Variants in TAFA1 observed in about 807,000 individuals in gnomAD.
TAFA1 encodes chemokine-like protein TAFA-1.
In TAFA1, 4 loss-of-function variants were observed where a neutral mutation model predicts 18.5. The observed-to-expected ratio is 0.22, with a 90% CI of 0.11 to 0.49. The LOEUF is 0.49. TAFA1 is among the 20% of genes least tolerant of loss of function. The pLI, the probability that TAFA1 is intolerant of heterozygous loss-of-function variation, is 0.98. For missense variants in TAFA1, 147 were observed against 169.0 expected, an observed-to-expected ratio of 0.87 and a Z score of 0.72; for synonymous variants, 56 against 55.2, an observed-to-expected ratio of 1.01 and a Z score of -0.06.
rs555623077 is a variant in TAFA1, at chr3:68,533,866, T to C, written c.260-4890T>C. Among the ~76,000 whole-genome samples the C allele has an allele frequency of 3.3e-5, 5 of 152,290 alleles. No individual in the cohort carries two copies. In the South Asian group the frequency reaches 1.0e-3, roughly 32 times the overall value. ...TACTTTTCCCTTTGGCATAGTGAGT[T>C]TGTGGTCCTGAGATTTTATTTTCCT... is the stretch of plus-strand genomic sequence containing the variant. On this transcript the variant is annotated intron_variant, in intron 3 of 4. Coordinates refer to ENST00000478136, the MANE Select transcript of TAFA1 (RefSeq NM_213609.4).
intron 2 of TAFA1, among the ~76,000 whole-genome samples, chr3:68,112,793 A>G (rs1435616985): frequency 6.6e-6 from 1 of 152,118 alleles, no homozygotes; most frequent in Non-Finnish European, 1.5e-5. Flanking sequence ...ACAGAAAAAA[A>G]TGAATTAAAA....
At chr3:68,225,515 C>T (rs1279736596) in intron 2 of TAFA1, among the ~76,000 whole-genome samples, 1 of 152,118 alleles carries the variant, frequency 6.6e-6, no homozygotes, top group East Asian at 1.9e-4. Context: ...GTCATGTCTC[C>T]TCTCATCTTG....
intron 2 of TAFA1, chr3:68,145,422 C>A: frequency 1.2e-6 from 1 of 848,576 alleles, no homozygotes; most frequent in Non-Finnish European, 2.1e-6. Flanking sequence ...GTTGGACTTC[C>A]TATAGAAGAG....
intron 2 of TAFA1, among the ~76,000 whole-genome samples, chr3:68,273,808 T>C (rs1472652475): frequency 1.3e-5 from 2 of 152,196 alleles, no homozygotes; most frequent in Non-Finnish European, 2.9e-5. Context: ...GTCTTATCCC[T>C]GGCTGTGTGA....
chr3:68,333,626 G>A (rs1456375083), intron 2 of TAFA1, among the ~76,000 whole-genome samples: 3 of 152,026 alleles, frequency 2.0e-5, no homozygotes, highest in Non-Finnish European at 4.4e-5. Context: ...TAAAATAACA[G>A]TTTTTTAAAA....
At chr3:68,251,425 C>A (rs1384662809) in intron 2 of TAFA1, among the ~76,000 whole-genome samples, 2 of 152,224 alleles carry the variant, frequency 1.3e-5, no homozygotes, top group Admixed American at 1.3e-4. Flanking sequence ...CTTCTTTTGT[C>A]ATTTTCATTT....
chr3:68,352,638 G>C (rs2069290205), intron 2 of TAFA1, among the ~76,000 whole-genome samples: 2 of 152,170 alleles, frequency 1.3e-5, no homozygotes, highest in South Asian at 4.1e-4. Context: ...GCTGTCTTTA[G>C]CTCAATAATA....
chr3:68,279,319 A>G (rs1575741709), intron 2 of TAFA1, among the ~76,000 whole-genome samples: 1 of 152,112 alleles, frequency 6.6e-6, no homozygotes, highest in African/African-American at 2.4e-5. Flanking sequence ...TCTTTTGCCA[A>G]CCTTGGAGCC....
rs184442981 is a variant in TAFA1, at chr3:68,026,373, A to G, written c.118+19629A>G. ...CACCGAGAGGGTCCATTTTCTCCCA[A>G]TCGCCTAACAGAAATCCAAATGGCA... On this transcript the variant is annotated intron_variant, in intron 2 of 4. Transcript: ENST00000478136. Among the ~76,000 whole-genome samples the G allele has an allele frequency of 5.3e-5, 8 of 152,054 alleles. No individual in the cohort carries two copies. In the East Asian group the frequency reaches 5.8e-4, roughly 11 times the overall value.
intron 2 of TAFA1, among the ~76,000 whole-genome samples, chr3:68,160,592 C>A (rs1256518021): frequency 6.6e-6 from 1 of 152,202 alleles, no homozygotes; most frequent in African/African-American, 2.4e-5. Flanking sequence ...GTATCCACCT[C>A]AGAGTTGTGA....
chr3:68,403,552 A>G (rs1386384302), intron 2 of TAFA1, among the ~76,000 whole-genome samples: 3 of 152,230 alleles, frequency 2.0e-5, no homozygotes, highest in African/African-American at 7.2e-5. Flanking sequence ...CACCTTTGAA[A>G]TGGCTGGAAA....
chr3:68,368,445 G>A (rs2069614124), intron 2 of TAFA1, among the ~76,000 whole-genome samples: 1 of 152,092 alleles, frequency 6.6e-6, no homozygotes, highest in South Asian at 2.1e-4. Context: ...CATTTCTGAT[G>A]GGCCTTGAAG....
At chr3:68,522,172 T>C (rs1456812708) in intron 3 of TAFA1, among the ~76,000 whole-genome samples, 1 of 152,122 alleles carries the variant, frequency 6.6e-6, no homozygotes, top group African/African-American at 2.4e-5. Context: ...TTATAAATTT[T>C]TCTAGAATAT....
At chr3:68,129,231 G>A (rs573388728) in intron 2 of TAFA1, among the ~76,000 whole-genome samples, 2 of 152,282 alleles carry the variant, frequency 1.3e-5, no homozygotes, top group Non-Finnish European at 2.9e-5. Context: ...GGTAAAGCCA[G>A]GATGTAAACC....
At chr3:68,270,376 CAGA>C (rs1230681749) in intron 2 of TAFA1, among the ~76,000 whole-genome samples, 1 of 152,024 alleles carries the variant, frequency 6.6e-6, no homozygotes, top group Non-Finnish European at 1.5e-5. Flanking sequence ...TGTTTGTGTC[CAGA>C]AGAAGACAGA....
At chr3:68,163,709 A>G (rs1256416940) in intron 2 of TAFA1, among the ~76,000 whole-genome samples, 6 of 152,198 alleles carry the variant, frequency 3.9e-5, no homozygotes, top group African/African-American at 1.2e-4. Context: ...TGTTCATTAC[A>G]GTATCCTAAG....
intron 3 of TAFA1, among the ~76,000 whole-genome samples, chr3:68,484,600 A>G (rs889227938): frequency 3.3e-5 from 5 of 152,198 alleles, no homozygotes; most frequent in Non-Finnish European, 7.3e-5. Context: ...AGCTGGGCAG[A>G]AGCAGAATGA....
At chr3:68,411,139 T>A (rs2070708401) in intron 2 of TAFA1, among the ~76,000 whole-genome samples, 1 of 152,122 alleles carries the variant, frequency 6.6e-6, no homozygotes, top group Non-Finnish European at 1.5e-5. Context: ...TCTTGAAAAA[T>A]TTTATCTCTG....
At chr3:68,293,165 T>C (rs1480674289) in intron 2 of TAFA1, among the ~76,000 whole-genome samples, 1 of 152,208 alleles carries the variant, frequency 6.6e-6, no homozygotes, top group Non-Finnish European at 1.5e-5. Flanking sequence ...GATGCTTTAA[T>C]AGTATAATGA....
Sources: allele counts gnomAD v4.1 joint callset (sites outside exome capture counted in the v4.1 genomes callset), GRCh38; gene constraint gnomAD v4.1.1; transcripts MANE v1.5; gene names NCBI Gene and HGNC (gene_info 2026-07-23, HGNC 2026-07-21).